The following NPIPB2 variants were observed in gnomAD, a reference collection of about 807,000 sequenced individuals.
The protein encoded by NPIPB2 is nuclear pore complex-interacting protein family member B2.
In NPIPB2, 27 loss-of-function variants were observed where a neutral mutation model predicts 30.8. The observed-to-expected ratio is 0.88, with a 90% CI of 0.65 to 1.21. The LOEUF (loss-of-function observed/expected upper bound fraction) is 1.21. Among genes scored for constraint, NPIPB2 ranks in the 50% most tolerant of loss-of-function variants. The pLI is 0.00. For synonymous variants in NPIPB2, 147 were observed against 162.0 expected (o/e 0.91, Z 0.70); for missense variants, 440 against 446.2 (o/e 0.99, Z 0.13).
At chr16:11,954,724 G>A (rs567156639) in intron 1 of NPIPB2, among the ~76,000 whole-genome samples, 20 of 151,790 alleles carry the variant, frequency 1.3e-4, no homozygotes, top group East Asian at 9.7e-4. Flanking sequence ...TGGCTAACAC[G>A]GTGAAACCCT....
intron 1 of NPIPB2, among the ~76,000 whole-genome samples, chr16:11,959,002 G>A (rs2055135377): frequency 6.6e-6 from 1 of 152,214 alleles, no homozygotes; most frequent in South Asian, 2.1e-4. Context: ...AGCTCGTAGA[G>A]GGGTTTAGTT....
intron 1 of NPIPB2, chr16:11,967,247 C>T (rs2055201509): frequency 7.5e-6 from 2 of 264,974 alleles, no homozygotes; most frequent in South Asian, 6.2e-5. Context: ...AGTGATCTGC[C>T]CGCCTCAGCT....
intron 1 of NPIPB2, among the ~76,000 whole-genome samples, chr16:11,965,681 A>C (rs1169865726): frequency 6.6e-6 from 1 of 152,236 alleles, no homozygotes; most frequent in Non-Finnish European, 1.5e-5. Flanking sequence ...TTTAAAAATC[A>C]GCTCTTCTAA....
intron 1 of NPIPB2, among the ~76,000 whole-genome samples, chr16:11,969,791 AATC>A (rs11570172): frequency 0.013 from 1,929 of 152,268 alleles, 41 homozygotes; most frequent in African/African-American, 0.044. Context: ...GTGCTATAAT[AATC>A]ATATCTAACC....
chr16:11,937,434 G>T lies in NPIPB2; in HGVS notation c.192+106C>A. The T allele has an allele frequency of 1.3e-5, 9 of 692,182 alleles. No homozygotes were observed. In the South Asian group the frequency reaches 1.9e-4, roughly 15 times the overall value. The allele number at this position is 692,182 out of a possible 1,614,324, so 42.9% of individuals were successfully genotyped here. On this transcript the variant is annotated intron_variant, in intron 2 of 7. Transcript: ENST00000399147. Reference sequence around the variant, plus strand: ...ATAAATCATTTCCCTGATTTTTTGGGTAAAACCACATATTCATAATGAAGT... The same window carrying T: ...ATAAATCATTTCCCTGATTTTTTGGTTAAAACCACATATTCATAATGAAGT...
chr16:11,956,584 G>A (rs139911919), intron 1 of NPIPB2, among the ~76,000 whole-genome samples: 77 of 152,320 alleles, frequency 5.1e-4, no homozygotes, highest in African/African-American at 1.8e-3. Flanking sequence ...GCTGAGGCAG[G>A]AGAATCGCTT....
intron 2 of NPIPB2, among the ~76,000 whole-genome samples, chr16:11,937,271 C>T (rs1228720623): frequency 2.6e-5 from 4 of 152,182 alleles, no homozygotes; most frequent in African/African-American, 9.7e-5. Context: ...AAACCTCATA[C>T]TCCATTTGTG....
intron 1 of NPIPB2, among the ~76,000 whole-genome samples, chr16:11,969,057 G>C (rs978300236): frequency 2.6e-5 from 4 of 151,660 alleles, no homozygotes; most frequent in African/African-American, 9.7e-5. Flanking sequence ...AGTAGAGATG[G>C]GGTTTCACTG....
intron 1 of NPIPB2, among the ~76,000 whole-genome samples, chr16:11,951,625 T>TAC (rs1214348316): frequency 0.024 from 2,332 of 95,858 alleles, 39 homozygotes; most frequent in East Asian, 0.072. Context: ...CACATACACA[T>TAC]ACACACACAC....
upstream of NPIPB2, among the ~76,000 whole-genome samples, chr16:11,947,039 A>ATT (rs895852328): frequency 3.2e-5 from 1 of 31,604 alleles, no homozygotes; most frequent in African/African-American, 5.5e-5. Context: ...AACTATTTGA[A>ATT]TTATATATAT....
intron 1 of NPIPB2, among the ~76,000 whole-genome samples, chr16:11,958,978 G>T (rs959599276): frequency 6.6e-6 from 1 of 152,178 alleles, no homozygotes; most frequent in Non-Finnish European, 1.5e-5. Flanking sequence ...GCCAAAGTGG[G>T]GCTCTGCAGG....
chr16:11,947,501 C>T (rs1386892513), intron 1 of NPIPB2, among the ~76,000 whole-genome samples: 3 of 151,454 alleles, frequency 2.0e-5, no homozygotes, highest in Admixed American at 6.6e-5. Context: ...CACGATGCCA[C>T]GCCCCGCTAA....
chr16:11,934,727 T>C (rs1042196615), intron 2 of NPIPB2, among the ~76,000 whole-genome samples: 7 of 148,848 alleles, frequency 4.7e-5, no homozygotes, highest in East Asian at 4.0e-4. Context: ...AGCATGGTGA[T>C]GCACGCCTGT....
chr16:11,968,539 T>C (rs12597429), intron 1 of NPIPB2: 53,612 of 151,990 alleles, frequency 0.35, 9,834 homozygotes, highest in East Asian at 0.59. Flanking sequence ...GATTTTATAG[T>C]GCCCCAAAGA....
chr16:11,948,343 G>A (rs1048013330), intron 1 of NPIPB2, among the ~76,000 whole-genome samples: 2 of 152,108 alleles, frequency 1.3e-5, no homozygotes, highest in African/African-American at 4.8e-5. Context: ...ATTGGTCATT[G>A]TGCGTCTGTG....
chr16:11,945,773 T>C (rs959483812), upstream of NPIPB2, among the ~76,000 whole-genome samples: 1 of 152,064 alleles, frequency 6.6e-6, no homozygotes, highest in Non-Finnish European at 1.5e-5. Context: ...GAAGGACAGC[T>C]GTGCCCTCTC....
intron 1 of NPIPB2, among the ~76,000 whole-genome samples, chr16:11,971,777 G>C (rs1162401899): frequency 2.0e-5 from 3 of 152,052 alleles, no homozygotes; most frequent in African/African-American, 7.2e-5. Context: ...TTACAGGTGC[G>C]AGCTACCGTG....
intron 4 of NPIPB2, among the ~76,000 whole-genome samples, chr16:11,931,435 C>A (rs1202326678): frequency 1.4e-5 from 2 of 147,370 alleles, no homozygotes; most frequent in African/African-American, 5.0e-5. Flanking sequence ...TCCCAGAACG[C>A]TAGGAAACAG....
chr16:11,976,642 T>A (rs1046389360), upstream of NPIPB2: 1 of 411,448 alleles, frequency 2.4e-6, no homozygotes, highest in African/African-American at 2.1e-5. Flanking sequence ...GCGCCGCGGT[T>A]TACGTTCCGG....
Sources: gnomAD v4.1 joint callset for allele counts (sites outside exome capture counted in the v4.1 genomes callset) on GRCh38, gnomAD v4.1.1 for gene constraint, MANE v1.5 for transcripts, NCBI Gene and HGNC (gene_info 2026-07-23, HGNC 2026-07-21) for gene names.